ZNF385D: variants seen among roughly 807,000 people sequenced by gnomAD.
ZNF385D encodes zinc finger protein 659.
Under a neutral mutation model 35.8 loss-of-function variants are expected in ZNF385D, and 15 were observed. The observed-to-expected ratio is 0.42, with a 90% CI of 0.28 to 0.64. The LOEUF is 0.64. ZNF385D is among the 30% of genes least tolerant of loss of function. ZNF385D has a pLI of 0.23. For missense variants in ZNF385D, 474 were observed against 494.6 expected, an observed-to-expected ratio of 0.96 and a Z score of 0.39; for synonymous variants, 212 against 186.8, an observed-to-expected ratio of 1.13 and a Z score of -1.10.
chr3:21,489,284 T>C (rs1250394900), intron 4 of ZNF385D, among the ~76,000 whole-genome samples: 2 of 152,084 alleles, frequency 1.3e-5, no homozygotes, highest in African/African-American at 2.4e-5. Context: ...TCCATTCAGA[T>C]AGAACTTCTA....
At chr3:21,979,883 G>T (rs549235469) in intron 3 of ZNF385D, 1 of 152,230 alleles carries the variant, frequency 6.6e-6, no homozygotes, top group South Asian at 2.1e-4. Flanking sequence ...TGCTGTTGTG[G>T]TGGCCTTAAA....
intron 3 of ZNF385D, among the ~76,000 whole-genome samples, chr3:21,813,007 G>A (rs1236358637): frequency 6.6e-6 from 1 of 152,162 alleles, no homozygotes; most frequent in Non-Finnish European, 1.5e-5. Context: ...TCCAGAGGAA[G>A]CATCAGGCAG....
At chr3:21,885,706 T>G (rs2125871690) in intron 3 of ZNF385D, among the ~76,000 whole-genome samples, 1 of 150,712 alleles carries the variant, frequency 6.6e-6, no homozygotes, top group African/African-American at 2.4e-5. Context: ...TATATTAGGG[T>G]TTTCCATGGA....
chr3:22,188,575 G>A (rs915943243), intron 2 of ZNF385D, among the ~76,000 whole-genome samples: 3 of 151,722 alleles, frequency 2.0e-5, no homozygotes, highest in Non-Finnish European at 4.4e-5. Flanking sequence ...TCAGCCTCCC[G>A]AGTAGCTGGG....
chr3:21,989,013 C>G (rs529438481), intron 3 of ZNF385D, among the ~76,000 whole-genome samples: 7 of 152,210 alleles, frequency 4.6e-5, no homozygotes, highest in East Asian at 1.9e-4. Flanking sequence ...TGCTTCGGCT[C>G]GCGCACGGTG....
intron 3 of ZNF385D, among the ~76,000 whole-genome samples, chr3:21,770,885 T>C (rs2071045447): frequency 6.6e-6 from 1 of 152,066 alleles, no homozygotes; most frequent in Admixed American, 6.6e-5. Flanking sequence ...GTGGCACATA[T>C]ACACCATGGA....
intron 2 of ZNF385D, among the ~76,000 whole-genome samples, chr3:22,302,959 T>C (rs1015097330): frequency 6.6e-6 from 1 of 152,176 alleles, no homozygotes; most frequent in African/African-American, 2.4e-5. Flanking sequence ...GTTTTAATCA[T>C]AGAAACGTGT....
At chr3:21,496,441 TAC>T (rs1275176766) in intron 4 of ZNF385D, among the ~76,000 whole-genome samples, 2 of 132,160 alleles carry the variant, frequency 1.5e-5, no homozygotes, top group East Asian at 4.2e-4. Flanking sequence ...TACATATATA[TAC>T]ACACATATTT....
chr3:21,457,502 C>T (rs1234201266), intron 4 of ZNF385D, among the ~76,000 whole-genome samples: 8 of 151,996 alleles, frequency 5.3e-5, no homozygotes, highest in African/African-American at 1.4e-4. Context: ...ACTACAGGGG[C>T]ATGCCACCAT....
chr3:22,365,250 A>G (rs1377653343), intron 2 of ZNF385D, among the ~76,000 whole-genome samples: 1 of 152,080 alleles, frequency 6.6e-6, no homozygotes, highest in Non-Finnish European at 1.5e-5. Flanking sequence ...TTCATATTAT[A>G]TATATTTATG....
At chr3:21,765,808 T>A (rs1575611507) in intron 3 of ZNF385D, among the ~76,000 whole-genome samples, 1 of 151,966 alleles carries the variant, frequency 6.6e-6, no homozygotes, top group South Asian at 2.1e-4. Flanking sequence ...GTAGGCTAGG[T>A]AGGCTTTGGT....
intron 3 of ZNF385D, among the ~76,000 whole-genome samples, chr3:22,155,141 A>T (rs928690707): frequency 6.6e-6 from 1 of 152,150 alleles, no homozygotes; most frequent in African/African-American, 2.4e-5. Context: ...CATTGTATGA[A>T]TATATAAAAA....
chr3:21,594,016 C>CCAGCAGA (rs2064058569), intron 2 of ZNF385D, among the ~76,000 whole-genome samples: 1 of 152,078 alleles, frequency 6.6e-6, no homozygotes, highest in South Asian at 2.1e-4. Context: ...AGTTTAACTA[C>CCAGCAGA]CAGCAGACAG....
At chr3:22,313,400 A>C (rs1703694595) in intron 2 of ZNF385D, among the ~76,000 whole-genome samples, 1 of 152,112 alleles carries the variant, frequency 6.6e-6, no homozygotes, top group Non-Finnish European at 1.5e-5. Context: ...AAAGTATAAT[A>C]ATAAAATTTA....
chr3:22,240,013 CA>C lies in ZNF385D; in HGVS notation c.107-70979del, dbSNP rs558561545. On this transcript the variant is annotated intron_variant, in intron 2 of 5. Coordinates refer to the ZNF385D transcript ENST00000494108. ...GCAACATGGCAAAACCCAGTCTCTA[CA>C]AAAAAAAAAATACAAAATATTACCC... 6.9e-4 allele frequency among the ~76,000 whole-genome samples: 94 copies of C among 137,096 alleles called. 1 individual carries two copies. Among genetic ancestry groups the C allele is most frequent in the Admixed American group, 8.0e-4 (11 of 13,706 alleles). The allele number at this position is 137,096 out of a possible 152,430, so 89.9% of individuals were successfully genotyped here.
chr3:22,196,237 A>C (rs1287071532), intron 2 of ZNF385D, among the ~76,000 whole-genome samples: 1 of 152,058 alleles, frequency 6.6e-6, no homozygotes, highest in African/African-American at 2.4e-5. Flanking sequence ...ACAGCTATGC[A>C]TGTAGGTTTT....
intron 1 of ZNF385D, among the ~76,000 whole-genome samples, chr3:21,744,052 A>AT (rs1034377404): frequency 3.3e-5 from 5 of 152,114 alleles, no homozygotes; most frequent in Non-Finnish European, 5.9e-5. Flanking sequence ...CCCATTCTCC[A>AT]TTGTAAAGAG....
intron 2 of ZNF385D, among the ~76,000 whole-genome samples, chr3:22,346,750 C>A (rs1470462313): frequency 2.0e-5 from 3 of 152,136 alleles, no homozygotes; most frequent in Non-Finnish European, 4.4e-5. Context: ...CTCAAAAAAA[C>A]CCCAGTGCAT....
At chr3:21,423,463 T>C (rs1700837221) in intron 7 of ZNF385D, among the ~76,000 whole-genome samples, 2 of 152,182 alleles carry the variant, frequency 1.3e-5, no homozygotes, top group African/African-American at 4.8e-5. Flanking sequence ...TCATCAATAT[T>C]CATCTACAAT....
Sources: allele counts gnomAD v4.1 joint callset (sites outside exome capture counted in the v4.1 genomes callset), GRCh38; gene constraint gnomAD v4.1.1; transcripts MANE v1.5; gene names NCBI Gene and HGNC (gene_info 2026-07-23, HGNC 2026-07-21).